ELMO1: variants seen among roughly 807,000 people sequenced by gnomAD.
ELMO1 encodes the protein engulfment and cell motility protein 1.
In ELMO1, 26 loss-of-function variants were observed where a neutral mutation model predicts 98.9. The ratio of observed to expected loss-of-function variants is 0.26; its 90% CI spans 0.19 to 0.36. The LOEUF (loss-of-function observed/expected upper bound fraction) is 0.36. ELMO1 is among the 10% of genes least tolerant of loss of function. The pLI is 1.00. For synonymous variants in ELMO1, 346 were observed against 346.0 expected (o/e 1.00, Z 0.00); for missense variants, 627 against 935.2 (o/e 0.67, Z 4.30).
intron 14 of ELMO1, among the ~76,000 whole-genome samples, chr7:37,132,329 C>T (rs1786977962): frequency 6.6e-6 from 1 of 152,178 alleles, no homozygotes; most frequent in South Asian, 2.1e-4. Flanking sequence ...AAGCTTACAT[C>T]TAGTCATCAT....
intron 16 of ELMO1, among the ~76,000 whole-genome samples, chr7:37,007,692 T>C (rs903893204): frequency 6.6e-6 from 1 of 152,224 alleles, no homozygotes; most frequent in African/African-American, 2.4e-5. Flanking sequence ...TTCCCTTTTT[T>C]ATTCATGTGT....
chr7:37,388,342 C>A (rs1361633809), intron 1 of ELMO1, among the ~76,000 whole-genome samples: 1 of 151,766 alleles, frequency 6.6e-6, no homozygotes, highest in Non-Finnish European at 1.5e-5. Flanking sequence ...TTACCAAGAC[C>A]AAAATACTGC....
intron 13 of ELMO1, among the ~76,000 whole-genome samples, chr7:37,160,090 T>C (rs546459453): frequency 2.6e-5 from 4 of 152,200 alleles, no homozygotes; most frequent in Non-Finnish European, 5.9e-5. Flanking sequence ...AACAATACAA[T>C]GTAAAATCAA....
At chr7:37,385,946 T>C (rs1306839622) in intron 1 of ELMO1, among the ~76,000 whole-genome samples, 1 of 152,226 alleles carries the variant, frequency 6.6e-6, no homozygotes, top group South Asian at 2.1e-4. Flanking sequence ...CACAGCTGAC[T>C]GTGATCCAGG....
chr7:37,001,196 T>C (rs1251501424), intron 16 of ELMO1, among the ~76,000 whole-genome samples: 1 of 152,204 alleles, frequency 6.6e-6, no homozygotes, highest in Non-Finnish European at 1.5e-5. Context: ...GAAGTGTTTC[T>C]CAATAAGGCC....
intron 13 of ELMO1, among the ~76,000 whole-genome samples, chr7:37,135,251 G>A (rs1159614234): frequency 6.6e-6 from 1 of 152,176 alleles, no homozygotes; most frequent in Non-Finnish European, 1.5e-5. Context: ...TTCCAAGATG[G>A]TGGATAGGAG....
intron 16 of ELMO1, among the ~76,000 whole-genome samples, chr7:36,902,170 C>T (rs73106613): frequency 0.022 from 3,343 of 152,300 alleles, 81 homozygotes; most frequent in East Asian, 0.07. Flanking sequence ...CCTCTGGCTC[C>T]TCTCAATTTC....
chr7:37,129,158 G>A (rs953807384), intron 14 of ELMO1, among the ~76,000 whole-genome samples: 150 of 152,142 alleles, frequency 9.9e-4, no homozygotes, highest in African/African-American at 3.5e-3. Flanking sequence ...CTATGGTGGT[G>A]GGGGGATGGA....
chr7:37,347,673 C>T (rs2131282803), intron 1 of ELMO1, among the ~76,000 whole-genome samples: 1 of 152,278 alleles, frequency 6.6e-6, no homozygotes, highest in East Asian at 1.9e-4. Flanking sequence ...CCACATGAAA[C>T]TGAGTCCATG....
rs192424426 is a variant in ELMO1 at position 37,294,035 on chromosome 7, C to T, written c.192+20815G>A. ...AAACTTACACTCTTGAATTTGTTATCTGATGTTTTCTCTCATTCAGATGGC... is the reference window on the plus strand; with the variant it reads ...AAACTTACACTCTTGAATTTGTTATTTGATGTTTTCTCTCATTCAGATGGC... On this transcript the variant is annotated intron_variant, in intron 4 of 21. Transcript: ENST00000310758. 2.9e-3 allele frequency among the ~76,000 whole-genome samples: 447 copies of T among 152,152 alleles called. 3 individuals carry two copies. Among genetic ancestry groups the T allele is most frequent in the African/African-American group, 0.01 (425 of 41,522 alleles).
chr7:37,401,357 C>G (rs930015619), intron 1 of ELMO1, among the ~76,000 whole-genome samples: 1 of 152,194 alleles, frequency 6.6e-6, no homozygotes, highest in African/African-American at 2.4e-5. Flanking sequence ...GAAGGTCACT[C>G]TTACCTTCCC....
chr7:36,923,523 T>C (rs1211789068), intron 16 of ELMO1, among the ~76,000 whole-genome samples: 1 of 152,160 alleles, frequency 6.6e-6, no homozygotes, highest in African/African-American at 2.4e-5. Context: ...TATCTAGGCC[T>C]TCCCCAGAGG....
intron 10 of ELMO1, among the ~76,000 whole-genome samples, chr7:37,222,272 G>A (rs1430940579): frequency 6.6e-6 from 1 of 152,200 alleles, no homozygotes. Flanking sequence ...AATGACAGAA[G>A]GTCGCAGGGG....
chr7:36,864,031 GA>G (rs1263880393), intron 20 of ELMO1, among the ~76,000 whole-genome samples: 2 of 152,224 alleles, frequency 1.3e-5, no homozygotes, highest in African/African-American at 4.8e-5. Flanking sequence ...ACAGTGGCGT[GA>G]GGGGGCCCTT....
rs896454969 is a variant in ELMO1, at chr7:37,047,884, GT to G, written c.1301-34450del. On this transcript the variant is annotated intron_variant, in intron 15 of 21. Transcript: ENST00000310758. ...TTTCCTAGTAAAAAAAATTGTGACA[GT>G]TTTTTTTTTGAAAAAACGTATTTTA... Among the ~76,000 whole-genome samples the G allele has an allele frequency of 1.1e-4, 16 of 147,536 alleles. No individual in the cohort carries two copies. The South Asian group carries it at 1.5e-3, about 14-fold the overall frequency.
chr7:37,272,030 C>T (rs1796584681), intron 4 of ELMO1, 148 bp from the exon 5 acceptor site: 2 of 681,632 alleles, frequency 2.9e-6, no homozygotes, highest in South Asian at 1.9e-5. Flanking sequence ...AGGCTGTTAA[C>T]TTTCTATCTG....
At chr7:37,357,026 C>G (rs1044820242) in intron 1 of ELMO1, among the ~76,000 whole-genome samples, 7 of 152,082 alleles carry the variant, frequency 4.6e-5, no homozygotes, top group African/African-American at 1.7e-4. Context: ...ACAGACAGAC[C>G]AATAAGAATC....
At position 37,342,533 on chromosome 7, in the gene ELMO1, G is replaced by A; in HGVS notation, c.78+80C>T. ...CAGCTAGAGAGAGAAAGGGAGAAGA[G>A]TGAGCTATCCAAAGTCTATGAAAAT... On this transcript the variant is annotated intron_variant, in intron 2 of 21. Transcript: ENST00000310758. The surrounding 1 kb of genome is among the most constrained non-coding windows in gnomAD (Gnocchi z 4.3). 7.3e-7 allele frequency: 1 copy of A among 1,370,686 alleles called. No individual in the cohort carries two copies. The highest frequency in any genetic ancestry group is 1.0e-6 in the Non-Finnish European group (1 of 959,666). 84.9% of individuals were successfully genotyped at this position (1,370,686 alleles called of 1,614,324 possible).
chr7:37,139,390 A>C (rs953088609), intron 13 of ELMO1, among the ~76,000 whole-genome samples: 1 of 152,228 alleles, frequency 6.6e-6, no homozygotes, highest in Non-Finnish European at 1.5e-5. Context: ...ATACAAAATT[A>C]ATGTATGCCA....
Sources: allele counts gnomAD v4.1 joint callset (sites outside exome capture counted in the v4.1 genomes callset), GRCh38; gene constraint gnomAD v4.1.1; non-coding constraint Gnocchi (gnomAD v3.1); transcripts MANE v1.5; gene names NCBI Gene and HGNC (gene_info 2026-07-23, HGNC 2026-07-21).